The following KCNIP1 variants were observed in gnomAD, a reference collection of about 807,000 sequenced individuals.
The protein encoded by KCNIP1 is A-type potassium channel modulatory protein KCNIP1.
Under a neutral mutation model 33.0 loss-of-function variants are expected in KCNIP1, and 18 were observed. The observed-to-expected ratio is 0.55, with a 90% CI of 0.38 to 0.81. KCNIP1 has a LOEUF of 0.81. Among genes scored for constraint, KCNIP1 ranks in the 30% least tolerant of loss-of-function variants. The probability of loss-of-function intolerance (pLI) is 0.00; values close to 1 mark genes in which losing one functional copy is unlikely to be tolerated. For synonymous variants in KCNIP1, 93 were observed against 98.3 expected (o/e 0.95, Z 0.32); for missense variants, 238 against 271.6 (o/e 0.88, Z 0.87).
At chr5:170,440,047 G>C (rs890001909) in intron 1 of KCNIP1, among the ~76,000 whole-genome samples, 1 of 152,182 alleles carries the variant, frequency 6.6e-6, no homozygotes, top group Non-Finnish European at 1.5e-5. Flanking sequence ...ATTAAAGTGA[G>C]GTCATTAGGT....
chr5:170,718,042 T>C (rs1763693886), intron 1 of KCNIP1, among the ~76,000 whole-genome samples: 4 of 152,336 alleles, frequency 2.6e-5, no homozygotes, highest in Middle Eastern at 3.4e-3. Flanking sequence ...CTTGCTTTAA[T>C]TGACAGACAC....
intron 1 of KCNIP1, among the ~76,000 whole-genome samples, chr5:170,620,408 T>A (rs1487468011): frequency 1.3e-5 from 2 of 152,194 alleles, no homozygotes; most frequent in Non-Finnish European, 2.9e-5. Context: ...ATCTGGTTTG[T>A]TGGATGGAGA....
At chr5:170,473,334 G>GTATT (rs1756779115) in intron 1 of KCNIP1, among the ~76,000 whole-genome samples, 1 of 152,166 alleles carries the variant, frequency 6.6e-6, no homozygotes, top group Non-Finnish European at 1.5e-5. Context: ...CACAGTTGCT[G>GTATT]TACTTGTTAC....
chr5:170,509,422 G>A (rs1443235035), intron 1 of KCNIP1, among the ~76,000 whole-genome samples: 2 of 152,328 alleles, frequency 1.3e-5, no homozygotes, highest in Middle Eastern at 3.4e-3. Flanking sequence ...CAGTGGGATT[G>A]TTTTGACTTG....
chr5:170,599,127 C>T (rs1432811217), intron 1 of KCNIP1, among the ~76,000 whole-genome samples: 4 of 152,112 alleles, frequency 2.6e-5, no homozygotes, highest in Admixed American at 1.3e-4. Flanking sequence ...CCAGATAGAA[C>T]TGACTCACTC....
intron 1 of KCNIP1, among the ~76,000 whole-genome samples, chr5:170,388,366 A>G (rs1764571629): frequency 6.6e-6 from 1 of 152,212 alleles, no homozygotes; most frequent in South Asian, 2.1e-4. Context: ...GGCGGGAGGA[A>G]GGATGGGAAC....
intron 1 of KCNIP1, among the ~76,000 whole-genome samples, chr5:170,631,052 G>C (rs1229993201): frequency 6.6e-6 from 1 of 152,116 alleles, no homozygotes; most frequent in Non-Finnish European, 1.5e-5. Context: ...GTGTGAACTT[G>C]GTCAGGTGAC....
At chr5:170,730,834 G>T (rs1312557704) in intron 5 of KCNIP1, among the ~76,000 whole-genome samples, 3 of 139,346 alleles carry the variant, frequency 2.2e-5, no homozygotes, top group Admixed American at 7.7e-5. Context: ...AGGTATAAAA[G>T]TGCTTAAAAA....
chr5:170,417,316 C>T (rs1755356047), intron 1 of KCNIP1, among the ~76,000 whole-genome samples: 2 of 152,134 alleles, frequency 1.3e-5, no homozygotes, highest in African/African-American at 4.8e-5. Context: ...TCTAATTTTT[C>T]TACAATGAAC....
intron 1 of KCNIP1, among the ~76,000 whole-genome samples, chr5:170,370,058 A>T (rs1763801954): frequency 6.6e-6 from 1 of 152,150 alleles, no homozygotes; most frequent in African/African-American, 2.4e-5. Context: ...TTGTGGCCAA[A>T]ATTGTTAAGT....
At chr5:170,404,383 T>C (rs1163987648) in intron 1 of KCNIP1, among the ~76,000 whole-genome samples, 1 of 152,202 alleles carries the variant, frequency 6.6e-6, no homozygotes, top group African/African-American at 2.4e-5. Context: ...TGGTTATCCA[T>C]TGCTGTGTAA....
At chr5:170,628,071 G>A (rs977390040) in intron 1 of KCNIP1, among the ~76,000 whole-genome samples, 12 of 152,138 alleles carry the variant, frequency 7.9e-5, no homozygotes, top group African/African-American at 2.4e-4. Flanking sequence ...GGGAATTCCC[G>A]CCTCTGGGAA....
intron 1 of KCNIP1, among the ~76,000 whole-genome samples, chr5:170,365,559 G>T (rs1325940491): frequency 6.6e-6 from 1 of 152,212 alleles, no homozygotes. Flanking sequence ...TTTCCAGTGT[G>T]CTCTGCTCCA....
intron 1 of KCNIP1, among the ~76,000 whole-genome samples, chr5:170,636,315 C>T (rs966710424): frequency 2.0e-5 from 3 of 151,940 alleles, no homozygotes; most frequent in African/African-American, 7.3e-5. Context: ...CAGAGCTGAG[C>T]CCTGAGGGGG....
At chr5:170,624,219 C>G (rs556342059) in intron 1 of KCNIP1, among the ~76,000 whole-genome samples, 1 of 152,290 alleles carries the variant, frequency 6.6e-6, no homozygotes, top group East Asian at 1.9e-4. Context: ...TTCACTAATC[C>G]AAACCATATT....
chr5:170,353,950 G>A lies in KCNIP1; in HGVS notation c.74G>A (p.Gly25Glu), dbSNP rs1199433796. 3.7e-6 allele frequency: 6 copies of A among 1,614,018 alleles called. No individual in the cohort carries two copies. In the Admixed American group the frequency reaches 8.3e-5, roughly 22 times the overall value. The stretch of plus-strand genomic sequence containing the variant: ...CAGACCATCTTTAAGCTCATCACTG[G>A]GACCCTCAGCAAAGGTATGGAAACT... The change falls in exon 1 of 8, where the codon GGG (glycine) becomes GAG (glutamate). Residue 25 changes from glycine to glutamate, a missense_variant. Coordinates refer to the KCNIP1 transcript ENST00000377360.
At chr5:170,583,414 C>T (rs188912298) in intron 1 of KCNIP1, among the ~76,000 whole-genome samples, 1 of 150,240 alleles carries the variant, frequency 6.7e-6, no homozygotes, top group Admixed American at 6.6e-5. Flanking sequence ...TGATCGAGAT[C>T]GTGGTGGTGA....
intron 1 of KCNIP1, among the ~76,000 whole-genome samples, chr5:170,404,650 G>A (rs1361753860): frequency 6.6e-6 from 1 of 152,118 alleles, no homozygotes; most frequent in Non-Finnish European, 1.5e-5. Context: ...AGCAGAAGCT[G>A]CAAGTCCTCT....
intron 1 of KCNIP1, among the ~76,000 whole-genome samples, chr5:170,564,433 A>G (rs1757138800): frequency 6.6e-6 from 1 of 152,162 alleles, no homozygotes; most frequent in South Asian, 2.1e-4. Flanking sequence ...TCCAATCATC[A>G]AAAGCAAGAG....
Sources: allele counts gnomAD v4.1 joint callset (sites outside exome capture counted in the v4.1 genomes callset), GRCh38; gene constraint gnomAD v4.1.1; transcripts MANE v1.5; gene names NCBI Gene and HGNC (gene_info 2026-07-23, HGNC 2026-07-21).